Variants in FBXO3 observed in about 807,000 individuals in gnomAD.
FBXO3 encodes the protein F-box protein 3, also known as F-box only protein 3.
Under a neutral mutation model 64.8 loss-of-function variants are expected in FBXO3, and 17 were observed. The observed-to-expected ratio is 0.26, with a 90% CI of 0.18 to 0.39. The LOEUF (loss-of-function observed/expected upper bound fraction) is 0.39, where lower values mean the gene tolerates loss of function less well. Among genes scored for constraint, FBXO3 ranks in the 10% least tolerant of loss-of-function variants. FBXO3 has a pLI of 1.00. For missense variants in FBXO3, 420 were observed against 589.9 expected, an observed-to-expected ratio of 0.71 and a Z score of 2.98; for synonymous variants, 182 against 201.6, an observed-to-expected ratio of 0.90 and a Z score of 0.82.
chr11:33,741,039 T>G lies in FBXO3; in HGVS notation c.*869A>C, dbSNP rs182269519. On this transcript the variant is annotated 3_prime_UTR_variant, in exon 11 of 11. Transcript: ENST00000265651. ...ATATAATTACAAAAAAAATCCAAGT[T>G]TCAGGAAAACATACTTAATCCTAAC... 1 of 152,754 alleles carries G rather than the reference T, an allele frequency of 6.5e-6. No homozygotes were observed. The highest frequency in any genetic ancestry group is 1.9e-4 in the East Asian group (1 of 5,192). The allele number at this position is 152,754 out of a possible 1,614,324, so 9.5% of individuals were successfully genotyped here.
intron 3 of FBXO3, among the ~76,000 whole-genome samples, chr11:33,763,807 T>C (rs1201421819): frequency 6.6e-6 from 1 of 152,162 alleles, no homozygotes; most frequent in African/African-American, 2.4e-5. Flanking sequence ...ACATGATATA[T>C]AAGGCTTGGA....
At chr11:33,774,311 C>A in intron 1 of FBXO3, 83 bp downstream of exon 1, 2 of 1,206,300 alleles carry the variant, frequency 1.7e-6, no homozygotes, top group South Asian at 2.7e-5. Flanking sequence ...CGGGTCCTGT[C>A]AGCGGCCCCG....
chr11:33,758,467 CA>C lies in FBXO3; in HGVS notation c.473+19del. On this transcript the variant is annotated intron_variant, in intron 4 of 10. Transcript: ENST00000265651. ...AATAACTTGCATCATTAAAAATAAC[CA>C]AAACATTGAATATCTTACCCAGGAA... 1 of 1,528,790 alleles carries C rather than the reference CA, an allele frequency of 6.5e-7. No individual in the cohort carries two copies. The highest frequency in any genetic ancestry group is 8.9e-7 in the Non-Finnish European group (1 of 1,118,004). The allele number at this position is 1,528,790 out of a possible 1,614,324, so 94.7% of individuals were successfully genotyped here.
Position 33,748,063 on chromosome 11 carries a change from A to G in FBXO3, c.1048+714T>C, listed in dbSNP as rs79684294. On this transcript the variant is annotated intron_variant, in intron 9 of 10. Coordinates refer to ENST00000265651, the MANE Select transcript of FBXO3 (RefSeq NM_012175.4). ...CATAAAATTGTGAAGATGCATCCTAAGCATTCAGACCAGACAAAATGGCAC... is the reference window on the plus strand; with the variant it reads ...CATAAAATTGTGAAGATGCATCCTAGGCATTCAGACCAGACAAAATGGCAC... Among the ~76,000 whole-genome samples, 200 of 152,276 alleles carry G rather than the reference A, an allele frequency of 1.3e-3. 3 individuals are homozygous for G. In the East Asian group the frequency reaches 0.037, roughly 28 times the overall value.
chr11:33,756,055 T>A, intron 4 of FBXO3, 80 bp from the exon 5 acceptor site: 1 of 1,147,838 alleles, frequency 8.7e-7, no homozygotes. Context: ...GAATAATAAT[T>A]TCCCACTCAC....
chr11:33,757,532 A>C (rs559973214), intron 4 of FBXO3, among the ~76,000 whole-genome samples: 118 of 145,360 alleles, frequency 8.1e-4, no homozygotes, highest in African/African-American at 2.7e-3. Context: ...AAAAAAAAAA[A>C]GCTGAGCCAG....
chr11:33,765,316 G>C (rs1452394842), intron 3 of FBXO3, among the ~76,000 whole-genome samples: 1 of 152,158 alleles, frequency 6.6e-6, no homozygotes, highest in African/African-American at 2.4e-5. Context: ...TTTAAAAAAA[G>C]AGAAATTTTA....
rs753560846 is a variant in FBXO3 at position 33,768,782 on chromosome 11, GT to G, written c.358+68del. On this transcript the variant is annotated intron_variant, in intron 3 of 10. Coordinates refer to ENST00000265651, the MANE Select transcript of FBXO3 (RefSeq NM_012175.4). ...GTTGCGTAGATGACAGAGATTCAAA[GT>G]TGTTTAAACTAACCTATTTATACTA... 3.1e-5 allele frequency: 49 copies of G among 1,557,182 alleles called. No homozygotes were observed. The African/African-American group carries it at 3.9e-4, about 12-fold the overall frequency.
chr11:33,760,034 G>A (rs1855204043), intron 3 of FBXO3, among the ~76,000 whole-genome samples: 1 of 152,214 alleles, frequency 6.6e-6, no homozygotes, highest in Admixed American at 6.5e-5. Context: ...ACACATATGG[G>A]AGGACATGGC....
rs1854737758 is a variant in FBXO3 at position 33,743,518 on chromosome 11, T to C, written c.1240-1434A>G. On this transcript the variant is annotated intron_variant, in intron 10 of 10. Transcript: ENST00000265651. This position sits in a 1 kb window ranked among gnomAD's most constrained non-coding sequence, Gnocchi z 4.6. Reference sequence around the variant, plus strand: ...AAGTATGGGGCAACTTGGGGCGTGATGTCAGCCAGAGTCCTTCCACCAAGG... The same window carrying C: ...AAGTATGGGGCAACTTGGGGCGTGACGTCAGCCAGAGTCCTTCCACCAAGG... 6.6e-6 allele frequency: 1 copy of C among 152,296 alleles called. No individual in the cohort carries two copies. Among genetic ancestry groups the C allele is most frequent in the Admixed American group, 6.5e-5 (1 of 15,278 alleles). The allele number at this position is 152,296 out of a possible 1,614,324, so 9.4% of individuals were successfully genotyped here. A position where few individuals can be genotyped will look rare whatever the true frequency, so the allele number is the denominator to read the frequency against.
chr11:33,770,168 C>T (rs1289069226), intron 2 of FBXO3, among the ~76,000 whole-genome samples: 2 of 152,086 alleles, frequency 1.3e-5, no homozygotes, highest in African/African-American at 4.8e-5. Context: ...TTTTTCCTCC[C>T]AATGTTTGAT....
chr11:33,753,583 A>C (rs1485965472), intron 6 of FBXO3: 1 of 152,352 alleles, frequency 6.6e-6, no homozygotes, highest in Middle Eastern at 3.4e-3. Context: ...GTGAGCTGAA[A>C]CCTAGGACCT....
intron 3 of FBXO3, among the ~76,000 whole-genome samples, chr11:33,764,993 A>C (rs2133617956): frequency 6.6e-6 from 1 of 152,290 alleles, no homozygotes; most frequent in East Asian, 1.9e-4. Flanking sequence ...AAACAAAAAA[A>C]ACTGTCAAGG....
chr11:33,742,617 T>G (rs1854713829), intron 10 of FBXO3: 1 of 152,230 alleles, frequency 6.6e-6, no homozygotes, highest in African/African-American at 2.4e-5. Context: ...GAATAATAAT[T>G]ATTAAGCTAT....
intron 10 of FBXO3, chr11:33,742,292 G>A (rs902706885): frequency 1.1e-5 from 4 of 375,918 alleles, no homozygotes; most frequent in African/African-American, 6.3e-5. Flanking sequence ...TGCTCAGTGT[G>A]ATTTTTTTGT....
rs1024081908 is a variant in FBXO3, at chr11:33,743,192, TCA to T, written c.1240-1110_1240-1109del. 15 of 152,318 alleles carry T rather than the reference TCA, an allele frequency of 9.8e-5. No individual in the cohort carries two copies. Among genetic ancestry groups the T allele is most frequent in the African/African-American group, 3.6e-4 (15 of 41,550 alleles). The allele number at this position is 152,318 out of a possible 1,614,324, so 9.4% of individuals were successfully genotyped here. ...ATATTACCTTTTTCTAACTCAGAAA[TCA>T]CAGTGTCACTTTGCCGATTCGTTAT... On this transcript the variant is annotated intron_variant, in intron 10 of 10. Coordinates refer to ENST00000265651, the MANE Select transcript of FBXO3 (RefSeq NM_012175.4). The surrounding 1 kb of genome is among the most constrained non-coding windows in gnomAD (Gnocchi z 4.6).
Position 33,750,589 on chromosome 11 carries a change from T to C in FBXO3, c.882A>G (p.Pro294=). The C allele has an allele frequency of 6.2e-7, 1 of 1,614,018 alleles. No homozygotes were observed. Among genetic ancestry groups the C allele is most frequent in the Non-Finnish European group, 8.5e-7 (1 of 1,179,900 alleles). Residue 294 remains proline, a synonymous_variant, in exon 8 of 11, where the codon CCA becomes CCG. Transcript: ENST00000265651. ...GGGGTGGATGTACAGAGCTAAGTTCTGGCAGAAACGATGTGGAAACTGACA... is the reference window on the plus strand; with the variant it reads ...GGGGTGGATGTACAGAGCTAAGTTCCGGCAGAAACGATGTGGAAACTGACA... The part of the protein sequence containing the change: ...ITVSVSTSFL[P]ELSSVHPPHY...
At position 33,758,594 on chromosome 11, in the gene FBXO3, A is replaced by C. The variant is rs764916878; in HGVS notation, c.366T>G (p.Ala122=). Reference sequence around the variant, plus strand: ...CCACAGCATCGAGGTCTTCCTCTCGAGCACCCTCTATAAAGGCACAAAAAA... The same window carrying C: ...CCACAGCATCGAGGTCTTCCTCTCGCGCACCCTCTATAAAGGCACAAAAAA... ...PRMVLSLKEG[A]REEDLDAVEA... Residue 122 remains alanine (A), a synonymous_variant, in exon 4 of 11, where the codon GCT becomes GCG. Coordinates refer to ENST00000265651, the MANE Select transcript of FBXO3 (RefSeq NM_012175.4). The C allele has an allele frequency of 2.5e-6, 4 of 1,600,850 alleles. No individual in the cohort carries two copies. In the East Asian group the frequency reaches 9.0e-5, roughly 36 times the overall value.
intron 3 of FBXO3, among the ~76,000 whole-genome samples, chr11:33,761,979 AT>A: frequency 6.6e-6 from 1 of 152,352 alleles, no homozygotes; most frequent in South Asian, 2.1e-4. Flanking sequence ...AGTCAGGATA[AT>A]TTGCTTTTTG....
Sources: gnomAD v4.1 joint callset for allele counts (sites outside exome capture counted in the v4.1 genomes callset) on GRCh38, gnomAD v4.1.1 for gene constraint, Gnocchi (gnomAD v3.1) non-coding constraint, MANE v1.5 for transcripts, NCBI Gene and HGNC (gene_info 2026-07-23, HGNC 2026-07-21) for gene names.